The following MAP2K1 variants were observed in gnomAD, a reference collection of about 807,000 sequenced individuals.
MAP2K1 encodes the protein mitogen-activated protein kinase kinase 1.
Under a neutral mutation model 46.3 loss-of-function variants are expected in MAP2K1, and 16 were observed. The observed-to-expected ratio is 0.35, with a 90% CI of 0.23 to 0.52. The LOEUF is 0.52. Ranked by LOEUF, MAP2K1 falls within the 20% of genes least tolerant of loss-of-function variation. The pLI is 0.94. For missense variants in MAP2K1, 263 were observed against 497.1 expected (o/e 0.53, Z 4.48); for synonymous variants, 183 against 185.6 (o/e 0.99, Z 0.11).
chr15:66,448,059 A>G (rs1891921589), intron 5 of MAP2K1, among the ~76,000 whole-genome samples: 1 of 149,872 alleles, frequency 6.7e-6, no homozygotes, highest in Non-Finnish European at 1.5e-5. Context: ...AGGCCGAGGC[A>G]TGAGAATCAC....
At chr15:66,389,652 A>G (rs1438210189) in intron 1 of MAP2K1, among the ~76,000 whole-genome samples, 1 of 131,832 alleles carries the variant, frequency 7.6e-6, no homozygotes, top group Non-Finnish European at 1.5e-5. Flanking sequence ...TCGGCTCACC[A>G]CAACCTCCAC....
chr15:66,444,695 A>T lies in MAP2K1; in HGVS notation c.556A>T (p.Ile186Phe), dbSNP rs1891816141. ...GLTYLREKHKIMHRDVKPSNI... is the reference protein window; with the variant it reads ...GLTYLREKHKFMHRDVKPSNI... Reference sequence around the variant, plus strand: ...GACATATCTGAGGGAGAAGCACAAGATCATGCACAGAGGTAAGAAGTTATT... The same window carrying T: ...GACATATCTGAGGGAGAAGCACAAGTTCATGCACAGAGGTAAGAAGTTATT... Residue 186 changes from isoleucine (I) to phenylalanine (F), a missense_variant, in exon 5 of 11, where the codon ATC becomes TTC. Ile to Phe is a conservative substitution (Grantham distance 21). Coordinates refer to ENST00000307102, the MANE Select transcript of MAP2K1 (RefSeq NM_002755.4). The T allele has an allele frequency of 6.2e-7, 1 of 1,612,564 alleles. No individual in the cohort carries two copies. Among genetic ancestry groups the T allele is most frequent in the Non-Finnish European group, 8.5e-7 (1 of 1,178,710 alleles).
intron 8 of MAP2K1, among the ~76,000 whole-genome samples, chr15:66,488,355 C>T (rs1893120820): frequency 6.6e-6 from 1 of 152,204 alleles, no homozygotes; most frequent in Non-Finnish European, 1.5e-5. Context: ...AAAGGAAGAG[C>T]ACTAGGTTGG....
At chr15:66,408,960 C>T (rs968076829) in intron 1 of MAP2K1, among the ~76,000 whole-genome samples, 1 of 152,168 alleles carries the variant, frequency 6.6e-6, no homozygotes, top group Admixed American at 6.5e-5. Flanking sequence ...ATACTCCTCT[C>T]CAAAGGGCAA....
rs114291738 is a variant in MAP2K1, at chr15:66,458,351, G to A, written c.568+13644G>A. ...AATACGCAGTTCATCCAACTTAGCC[G>A]TAAATTATTTCTGCCTTGGAGTTGT... On this transcript the variant is annotated intron_variant, in intron 5 of 10. Transcript: ENST00000307102. Among the ~76,000 whole-genome samples the A allele has an allele frequency of 4.2e-3, 637 of 152,298 alleles. 3 individuals are homozygous for A. The highest frequency in any genetic ancestry group is 0.014 in the African/African-American group (594 of 41,548).
chr15:66,436,575 CCTT>C (rs1310821029), intron 2 of MAP2K1, among the ~76,000 whole-genome samples, 168 bp from the exon 3 acceptor site: 1 of 152,236 alleles, frequency 6.6e-6, no homozygotes, highest in East Asian at 1.9e-4. Flanking sequence ...CCAATGCCTG[CCTT>C]AGTACAATGA....
At chr15:66,395,717 C>T (rs2093366073) in intron 1 of MAP2K1, among the ~76,000 whole-genome samples, 1 of 150,404 alleles carries the variant, frequency 6.6e-6, no homozygotes, top group Non-Finnish European at 1.5e-5. Context: ...GCTGGGATTA[C>T]AGGCGCACAC....
chr15:66,467,887 T>G (rs560785417), intron 5 of MAP2K1, among the ~76,000 whole-genome samples: 1 of 152,356 alleles, frequency 6.6e-6, no homozygotes, highest in East Asian at 1.9e-4. Context: ...CATCCTGTTT[T>G]GGGCTGGGTT....
intron 1 of MAP2K1, among the ~76,000 whole-genome samples, chr15:66,398,362 C>T (rs923952772): frequency 5.3e-5 from 8 of 152,048 alleles, no homozygotes; most frequent in East Asian, 3.9e-4. Flanking sequence ...TTGCAGTGAG[C>T]GGTAATCGTG....
intron 5 of MAP2K1, among the ~76,000 whole-genome samples, chr15:66,467,762 T>C (rs947161610): frequency 1.3e-5 from 2 of 152,216 alleles, no homozygotes; most frequent in African/African-American, 4.8e-5. Flanking sequence ...GGTTTTACCA[T>C]GTTGGTCAGG....
rs1257047746 is a variant in MAP2K1, at chr15:66,491,167, C to G, written c.*552C>G. 7.2e-6 allele frequency: 2 copies of G among 277,050 alleles called. No homozygotes were observed. The highest frequency in any genetic ancestry group is 1.4e-5 in the Non-Finnish European group (2 of 144,602). The allele number at this position is 277,050 out of a possible 1,614,324, so 17.2% of individuals were successfully genotyped here. On this transcript the variant is annotated 3_prime_UTR_variant, in exon 11 of 11. Coordinates refer to ENST00000307102, the MANE Select transcript of MAP2K1 (RefSeq NM_002755.4). ...TCATGTAGAACTCAGCAGTTGACAT[C>G]CAAATCTAGCCAGAGCCCTTCACTG... is the stretch of plus-strand genomic sequence containing the variant.
intron 5 of MAP2K1, among the ~76,000 whole-genome samples, chr15:66,463,296 A>C (rs1004608655): frequency 6.6e-6 from 1 of 152,238 alleles, no homozygotes; most frequent in Non-Finnish European, 1.5e-5. Context: ...CTTCAGAGTC[A>C]AACACGAAGG....
At chr15:66,400,813 C>G (rs774310971) in intron 1 of MAP2K1, among the ~76,000 whole-genome samples, 6 of 152,176 alleles carry the variant, frequency 3.9e-5, no homozygotes, top group Non-Finnish European at 7.3e-5. Context: ...GCATCCTGCT[C>G]TGATGTCAGG....
intron 1 of MAP2K1, chr15:66,402,023 C>T (rs1181121629): frequency 3.8e-6 from 5 of 1,327,434 alleles, no homozygotes; most frequent in Non-Finnish European, 4.9e-6. Flanking sequence ...CCTTTCTGAT[C>T]ATTTTAAAGT....
intron 3 of MAP2K1, among the ~76,000 whole-genome samples, chr15:66,441,804 T>C (rs2093504660): frequency 1.3e-5 from 2 of 151,162 alleles, no homozygotes; most frequent in African/African-American, 4.9e-5. Flanking sequence ...TGATAAATGA[T>C]AGAAGATGAT....
intron 5 of MAP2K1, among the ~76,000 whole-genome samples, chr15:66,466,265 TGCAGATAA>T (rs1311438162): frequency 5.3e-5 from 8 of 152,260 alleles, no homozygotes; most frequent in African/African-American, 1.9e-4. Context: ...ATTGCACATA[TGCAGATAA>T]CTATATTGCC....
chr15:66,423,012 G>A (rs1388413295), intron 1 of MAP2K1, among the ~76,000 whole-genome samples: 5 of 151,866 alleles, frequency 3.3e-5, no homozygotes, highest in African/African-American at 1.2e-4. Flanking sequence ...AAGTGGTCAA[G>A]CTGGTCTCAA....
intron 1 of MAP2K1, among the ~76,000 whole-genome samples, chr15:66,410,782 A>G (rs2140537036): frequency 6.6e-6 from 1 of 152,356 alleles, no homozygotes; most frequent in Admixed American, 6.5e-5. Context: ...AGGGACACAC[A>G]TACAGTACAG....
intron 8 of MAP2K1, among the ~76,000 whole-genome samples, chr15:66,488,249 G>C (rs1459770507): frequency 1.3e-5 from 2 of 152,196 alleles, no homozygotes; most frequent in Admixed American, 6.5e-5. Flanking sequence ...GATTCCCTCA[G>C]CAGTGGGGAC....
Sources: allele counts gnomAD v4.1 joint callset (sites outside exome capture counted in the v4.1 genomes callset), GRCh38; gene constraint gnomAD v4.1.1; transcripts MANE v1.5; gene names NCBI Gene and HGNC (gene_info 2026-07-23, HGNC 2026-07-21).